The following CRNN variants were observed in gnomAD, a reference collection of about 807,000 sequenced individuals.
CRNN encodes cornulin, also known as 53 kDa putative calcium-binding protein.
Under a neutral mutation model 44.7 loss-of-function variants are expected in CRNN, and 39 were observed. That is an observed-to-expected ratio of 0.87 (90% confidence interval 0.68 to 1.14). CRNN has a LOEUF of 1.14. Among genes scored for constraint, CRNN ranks in the 50% most tolerant of loss-of-function variants. CRNN has a pLI of 0.00. For synonymous variants in CRNN, 240 were observed against 231.8 expected (o/e 1.04, Z -0.32); for missense variants, 606 against 605.1 (o/e 1.00, Z -0.02).
intron 1 of CRNN, among the ~76,000 whole-genome samples, chr1:152,412,584 T>C (rs1655800176): frequency 6.6e-6 from 1 of 152,226 alleles, no homozygotes; most frequent in South Asian, 2.1e-4. Context: ...ACATAATTCA[T>C]AAAAAGCACT....
In CRNN at chr1:152,414,231, T is replaced by C. The variant is rs1655845832; in HGVS notation, c.-31A>G. ...GGACTTACCTAATGCCCAGGTGGGATGAAACAAGTGGCTGTTAAGTGGTGT... is the reference window on the plus strand; with the variant it reads ...GGACTTACCTAATGCCCAGGTGGGACGAAACAAGTGGCTGTTAAGTGGTGT... On this transcript the variant is annotated 5_prime_UTR_variant, in exon 1 of 3. Transcript: ENST00000271835. The C allele has an allele frequency of 6.6e-6, 1 of 152,420 alleles. No homozygotes were observed. Among genetic ancestry groups the C allele is most frequent in the African/African-American group, 2.4e-5 (1 of 41,454 alleles). The allele number at this position is 152,420 out of a possible 1,614,324, so 9.4% of individuals were successfully genotyped here. A position where few individuals can be genotyped will look rare whatever the true frequency, so the allele number is the denominator to read the frequency against.
At chr1:152,413,897 C>T (rs1396588090) in intron 1 of CRNN, among the ~76,000 whole-genome samples, 2 of 152,210 alleles carry the variant, frequency 1.3e-5, no homozygotes, top group Non-Finnish European at 2.9e-5. Context: ...ATCCCATAGA[C>T]TCTCAGCACT....
intron 1 of CRNN, 39 bp from the exon 2 acceptor site, chr1:152,412,285 C>A (rs1231134492): frequency 6.3e-7 from 1 of 1,575,730 alleles, no homozygotes; most frequent in Non-Finnish European, 8.7e-7. Flanking sequence ...GCTCCATAAT[C>A]AACCTCAGCT....
chr1:152,412,059 G>A, intron 2 of CRNN, 37 bp downstream of exon 2: 18 of 1,567,630 alleles, frequency 1.1e-5, no homozygotes, highest in Non-Finnish European at 1.6e-5. Context: ...TCACTCTCCT[G>A]CTATGTCCCC....
chr1:152,411,003 C>G, intron 2 of CRNN, 60 bp from the exon 3 acceptor site: 1 of 1,521,636 alleles, frequency 6.6e-7, no homozygotes, highest in Non-Finnish European at 8.8e-7. Flanking sequence ...GGGCAGGTCC[C>G]TTCCAATCTG....
At chr1:152,411,106 G>T (rs1264792042) in intron 2 of CRNN, among the ~76,000 whole-genome samples, 163 bp from the exon 3 acceptor site, 1 of 151,942 alleles carries the variant, frequency 6.6e-6, no homozygotes, top group South Asian at 2.1e-4. Flanking sequence ...TTTTAGTCCC[G>T]TCTCTCTCCC....
In CRNN at chr1:152,409,656, C is replaced by T. The variant is rs773979208; in HGVS notation, c.1426G>A (p.Glu476Lys). The T allele has an allele frequency of 6.2e-6, 10 of 1,614,090 alleles. No individual in the cohort carries two copies. Among genetic ancestry groups the T allele is most frequent in the Non-Finnish European group, 7.6e-6 (9 of 1,180,044 alleles). Residue 476 changes from glutamate (E) to lysine (K), a missense_variant, in exon 3 of 3, where the codon GAA becomes AAA. Transcript: ENST00000271835. ...CTAGCTGTGATGCCTCGCTTCTCTTCTGACTGGGCTGCATCCTGGCCCTGT... is the reference window on the plus strand; with the variant it reads ...CTAGCTGTGATGCCTCGCTTCTCTTTTGACTGGGCTGCATCCTGGCCCTGT... Reference protein sequence around the residue: ...SAQGQDAAQSEEKRGITAREL... With the variant: ...SAQGQDAAQSKEKRGITAREL...
chr1:152,411,428 G>C (rs1557915561), intron 2 of CRNN, among the ~76,000 whole-genome samples: 1 of 152,148 alleles, frequency 6.6e-6, no homozygotes. Flanking sequence ...GTGGGCCCCT[G>C]CAGCGCTGCC....
rs1355861048 is a variant in CRNN at position 152,409,641 on chromosome 1, T to A, written c.1441A>T (p.Ile481Phe). The A allele has an allele frequency of 1.2e-6, 2 of 1,613,968 alleles. No individual in the cohort carries two copies. Among genetic ancestry groups the A allele is most frequent in the Non-Finnish European group, 1.7e-6 (2 of 1,179,994 alleles). The change falls in exon 3 of 3, where the codon ATC becomes TTC. Residue 481 changes from isoleucine to phenylalanine, a missense_variant. Transcript: ENST00000271835. Reference protein sequence around the residue: ...DAAQSEEKRGITARELYSYLR... With the variant: ...DAAQSEEKRGFTARELYSYLR... ...TAGGAATACAGCTCTCTAGCTGTGA[T>A]GCCTCGCTTCTCTTCTGACTGGGCT...
rs754402900 is a variant in CRNN, at chr1:152,410,499, C to G, written c.583G>C (p.Ala195Pro). ...GTCTGATTCCTCTTGCCTTCTCCAG[C>G]TTTCTGGGTCTGCTCTGTCTGCCCA... ...LSGQTEQTQK[A>P]GEGKRNQTTE... The change falls in exon 3 of 3, where the codon GCT becomes CCT. Residue 195 changes from alanine to proline, a missense_variant. Transcript: ENST00000271835. 1 of 1,614,176 alleles carries G rather than the reference C, an allele frequency of 6.2e-7. No individual in the cohort carries two copies. Among genetic ancestry groups the G allele is most frequent in the Non-Finnish European group, 8.5e-7 (1 of 1,180,034 alleles).
Position 152,409,494 on chromosome 1 carries a change from A to C in CRNN, c.*100T>G. 6.6e-7 allele frequency: 1 copy of C among 1,513,138 alleles called. No homozygotes were observed. Among genetic ancestry groups the C allele is most frequent in the Non-Finnish European group, 8.8e-7 (1 of 1,134,154 alleles). 93.7% of individuals were successfully genotyped at this position (1,513,138 alleles called of 1,614,324 possible). A position where few individuals can be genotyped will look rare whatever the true frequency, so the allele number is the denominator to read the frequency against. ...CTAAAAGGGAAGCTGCATAATGAAG[A>C]GCTGATGTCCAGGGATGCACCCACT... On this transcript the variant is annotated 3_prime_UTR_variant, in exon 3 of 3. Transcript: ENST00000271835.
intron 2 of CRNN, among the ~76,000 whole-genome samples, chr1:152,411,556 C>T (rs1257015232): frequency 2.0e-5 from 3 of 152,180 alleles, no homozygotes; most frequent in Non-Finnish European, 2.9e-5. Flanking sequence ...GGCCTTGGTT[C>T]TGGTTTGCCA....
At position 152,410,219 on chromosome 1, in the gene CRNN, T is replaced by C. The variant is rs1469888433; in HGVS notation, c.863A>G (p.Gln288Arg). The C allele has an allele frequency of 6.2e-7, 1 of 1,613,636 alleles. No homozygotes were observed. Among genetic ancestry groups the C allele is most frequent in the Non-Finnish European group, 8.5e-7 (1 of 1,179,908 alleles). The change falls in exon 3 of 3, where the codon CAG (glutamine) becomes CGG (arginine). Residue 288 changes from glutamine to arginine, a missense_variant. Physicochemically the swap from Gln to Arg is conservative, Grantham distance 43. Coordinates refer to ENST00000271835, the MANE Select transcript of CRNN (RefSeq NM_016190.3). ...TSQAVTGGHA[Q>R]IQAGTHTQTP... ...CTGGGTGTGTGTCCCTGCCTGTATC[T>C]GAGCATGTCCTCCTGTCACAGCCTG...
At chr1:152,411,986 G>C in intron 2 of CRNN, 110 bp downstream of exon 2, 2 of 1,228,644 alleles carry the variant, frequency 1.6e-6, no homozygotes, top group South Asian at 3.6e-5. Flanking sequence ...GTCCCGGCAG[G>C]CCTGGGTTTA....
In CRNN at chr1:152,410,818, T is replaced by G. The variant is rs1031503822; in HGVS notation, c.264A>C (p.Thr88=). The G allele has an allele frequency of 1.4e-5, 23 of 1,614,096 alleles. No homozygotes were observed. The highest frequency in any genetic ancestry group is 1.2e-4 in the Admixed American group (7 of 60,008). The change falls in exon 3 of 3, where the codon ACA becomes ACC. Residue 88 remains threonine, a synonymous_variant. Transcript: ENST00000271835. ...VFKVAQACFK[T]LSESAEGACG... is the part of the protein sequence containing the mutation. ...AGGCTCCCTCAGCACTCTCGCTCAG[T>G]GTCTTGAAACAGGCCTGGGCAACTT...
Position 152,409,417 on chromosome 1 carries a change from G to A in CRNN, c.*177C>T. On this transcript the variant is annotated 3_prime_UTR_variant, in exon 3 of 3. Coordinates refer to ENST00000271835, the MANE Select transcript of CRNN (RefSeq NM_016190.3). ...TCTGCACCGCAAAGCAGGTAAGAAA[G>A]AAGAGTTCAGGATAGAAAGCTCCTT... 8.3e-7 allele frequency: 1 copy of A among 1,202,032 alleles called. No homozygotes were observed. Among genetic ancestry groups the A allele is most frequent in the Non-Finnish European group, 1.1e-6 (1 of 888,540 alleles). The allele number at this position is 1,202,032 out of a possible 1,614,324, so 74.5% of individuals were successfully genotyped here.
rs563915999 is a variant in CRNN, at chr1:152,414,214, C to G, written c.-14G>C. The G allele has an allele frequency of 6.6e-6, 1 of 152,570 alleles. No individual in the cohort carries two copies. Among genetic ancestry groups the G allele is most frequent in the Non-Finnish European group, 1.5e-5 (1 of 68,340 alleles). 9.5% of individuals were successfully genotyped at this position (152,570 alleles called of 1,614,324 possible). A position where few individuals can be genotyped will look rare whatever the true frequency, so the allele number is the denominator to read the frequency against. On this transcript the variant is annotated splice_region_variant and 5_prime_UTR_variant, in exon 1 of 3. Transcript: ENST00000271835. ...AGAGGTTTCTTATGAGGGGACTTAC[C>G]TAATGCCCAGGTGGGATGAAACAAG... is the stretch of plus-strand genomic sequence containing the variant.
chr1:152,410,226 G>A lies in CRNN; in HGVS notation c.856C>T (p.His286Tyr), dbSNP rs776950811. ...TGTGTCCCTGCCTGTATCTGAGCAT[G>A]TCCTCCTGTCACAGCCTGGCTGGTC... ...SQTSQAVTGG[H>Y]AQIQAGTHTQ... Residue 286 changes from histidine (H) to tyrosine (Y), a missense_variant, in exon 3 of 3, where the codon CAT becomes TAT. Physicochemically the swap from His to Tyr is moderately conservative, Grantham distance 83 (BLOSUM62 2). Coordinates refer to ENST00000271835, the MANE Select transcript of CRNN (RefSeq NM_016190.3). 3.0e-5 allele frequency: 48 copies of A among 1,612,564 alleles called. No homozygotes were observed. Among genetic ancestry groups the A allele is most frequent in the Non-Finnish European group, 4.0e-5 (47 of 1,179,502 alleles).
rs1314216500 is a variant in CRNN, at chr1:152,409,483, G to T, written c.*111C>A. On this transcript the variant is annotated 3_prime_UTR_variant, in exon 3 of 3. Coordinates refer to ENST00000271835, the MANE Select transcript of CRNN (RefSeq NM_016190.3). Reference sequence around the variant, plus strand: ...TTGAGAAAGACCTAAAAGGGAAGCTGCATAATGAAGAGCTGATGTCCAGGG... The same window carrying T: ...TTGAGAAAGACCTAAAAGGGAAGCTTCATAATGAAGAGCTGATGTCCAGGG... 1.3e-5 allele frequency: 19 copies of T among 1,503,024 alleles called. No individual in the cohort carries two copies. The highest frequency in any genetic ancestry group is 1.6e-5 in the Non-Finnish European group (18 of 1,129,204). The allele number at this position is 1,503,024 out of a possible 1,614,324, so 93.1% of individuals were successfully genotyped here. A position where few individuals can be genotyped will look rare whatever the true frequency, so the allele number is the denominator to read the frequency against.
Sources: allele counts gnomAD v4.1 joint callset (sites outside exome capture counted in the v4.1 genomes callset), GRCh38; gene constraint gnomAD v4.1.1; transcripts MANE v1.5; gene names NCBI Gene and HGNC (gene_info 2026-07-23, HGNC 2026-07-21).